The following GTPBP10 variants were observed in gnomAD, a reference collection of about 807,000 sequenced individuals.
The protein encoded by GTPBP10 is GTP binding protein 10, also known as GTP-binding protein 10.
Under a neutral mutation model 44.8 loss-of-function variants are expected in GTPBP10, and 38 were observed. That is an observed-to-expected ratio of 0.85 (90% CI 0.65 to 1.11). The LOEUF (loss-of-function observed/expected upper bound fraction) is 1.11, where lower values mean the gene tolerates loss of function less well. Ranked by LOEUF, GTPBP10 falls within the 50% of genes most tolerant of loss-of-function variation. The pLI is 0.00. For synonymous variants in GTPBP10, 152 were observed against 150.6 expected, an observed-to-expected ratio of 1.01 and a Z score of -0.07; for missense variants, 462 against 453.7, an observed-to-expected ratio of 1.02 and a Z score of -0.17.
chr7:90,368,090 G>A lies in GTPBP10; in HGVS notation c.465-4065G>A, dbSNP rs372667236. Reference sequence around the variant, plus strand: ...TCTGGATTGAAAATTCTTTTCTTTAGGAATGTTGAATATTGGCCCCCACTC... The same window carrying A: ...TCTGGATTGAAAATTCTTTTCTTTAAGAATGTTGAATATTGGCCCCCACTC... On this transcript the variant is annotated intron_variant, in intron 4 of 9. Coordinates refer to ENST00000222511, the MANE Select transcript of GTPBP10 (RefSeq NM_033107.4). Among the ~76,000 whole-genome samples, 15 of 152,098 alleles carry A rather than the reference G, an allele frequency of 9.9e-5. No homozygotes were observed. In the East Asian group the frequency reaches 1.9e-3, roughly 20 times the overall value.
intron 2 of GTPBP10, 90 bp from the exon 3 acceptor site, chr7:90,354,368 A>G (rs983878525): frequency 1.1e-5 from 6 of 545,248 alleles, no homozygotes; most frequent in African/African-American, 7.9e-5. Flanking sequence ...ATTGATTGCT[A>G]CTCTTCTTTG....
At chr7:90,357,843 C>A (rs1241303079) in intron 4 of GTPBP10, among the ~76,000 whole-genome samples, 1 of 152,038 alleles carries the variant, frequency 6.6e-6, no homozygotes, top group African/African-American at 2.4e-5. Context: ...TAATCAAAGC[C>A]TTTAAAATGA....
rs1269292468 is a variant in GTPBP10, at chr7:90,390,988, A to G, written c.*5834A>G. On this transcript the variant is annotated 3_prime_UTR_variant, in exon 10 of 10. Transcript: ENST00000222511. ...TTATGACTTTGGATGGATTTGAAAC[A>G]TGATTAAATGACAGAGTAAATAAAA... The G allele has an allele frequency of 1.3e-5, 2 of 152,226 alleles. No homozygotes were observed. The highest frequency in any genetic ancestry group is 2.1e-4 in the South Asian group (1 of 4,832). The allele number at this position is 152,226 out of a possible 1,614,324, so 9.4% of individuals were successfully genotyped here.
rs1796502092 is a variant in GTPBP10, at chr7:90,385,142, G to A, written c.1152G>A (p.Met384Ile). 6.3e-7 allele frequency: 1 copy of A among 1,598,316 alleles called. No homozygotes were observed. The highest frequency in any genetic ancestry group is 8.5e-7 in the Non-Finnish European group (1 of 1,171,168). The change falls in exon 10 of 10, where the codon ATG becomes ATA. Residue 384 changes from methionine (M) to isoleucine (I), a missense_variant. Transcript: ENST00000222511. The part of the protein sequence containing the change: ...PSKHAVTTSK[M>I]DII Reference sequence around the variant, plus strand: ...AGCATGCTGTTACTACTTCCAAAATGGATATAATTTAAATATATTAAAAAT... The same window carrying A: ...AGCATGCTGTTACTACTTCCAAAATAGATATAATTTAAATATATTAAAAAT...
At chr7:90,350,938 G>T (rs1283089289) in intron 1 of GTPBP10, among the ~76,000 whole-genome samples, 1 of 152,204 alleles carries the variant, frequency 6.6e-6, no homozygotes, top group Non-Finnish European at 1.5e-5. Context: ...CCATGGTGGT[G>T]TTCAAGGTTT....
chr7:90,379,411 A>G (rs1159944731), intron 8 of GTPBP10, among the ~76,000 whole-genome samples: 3 of 152,146 alleles, frequency 2.0e-5, no homozygotes, highest in African/African-American at 7.2e-5. Flanking sequence ...AGACCCCCAT[A>G]GCTGTTAGGT....
At chr7:90,353,292 T>A (rs546890489) in intron 2 of GTPBP10, 1 of 235,962 alleles carries the variant, frequency 4.2e-6, no homozygotes, top group South Asian at 1.2e-4. Flanking sequence ...ACTGTTTTCT[T>A]CTAAAATTAT....
intron 8 of GTPBP10, among the ~76,000 whole-genome samples, chr7:90,379,143 A>G (rs1796393848): frequency 6.6e-6 from 1 of 152,216 alleles, no homozygotes; most frequent in South Asian, 2.1e-4. Flanking sequence ...TGTGTAAGCT[A>G]TGATATACTG....
At chr7:90,356,678 T>C (rs1795907222) in intron 4 of GTPBP10, among the ~76,000 whole-genome samples, 1 of 152,196 alleles carries the variant, frequency 6.6e-6, no homozygotes, top group Non-Finnish European at 1.5e-5. Context: ...TATAGTTTTT[T>C]GCTTTTCACC....
intron 2 of GTPBP10, 80 bp downstream of exon 2, chr7:90,353,089 T>C: frequency 3.5e-6 from 3 of 869,362 alleles, no homozygotes; most frequent in South Asian, 4.3e-5. Flanking sequence ...AAATAAAAAC[T>C]TAATTGTTAA....
intron 4 of GTPBP10, among the ~76,000 whole-genome samples, chr7:90,364,534 C>A (rs1313754804): frequency 3.3e-5 from 5 of 152,208 alleles, no homozygotes; most frequent in Non-Finnish European, 1.5e-5. Context: ...AGGTGTCAGC[C>A]TGCCCTTACT....
At position 90,361,873 on chromosome 7, in the gene GTPBP10, C is replaced by T. The variant is rs187183023; in HGVS notation, c.464+6643C>T. Among the ~76,000 whole-genome samples the T allele has an allele frequency of 3.5e-3, 529 of 152,234 alleles. 2 individuals are homozygous for T. The highest frequency in any genetic ancestry group is 4.4e-3 in the Non-Finnish European group (300 of 68,022). On this transcript the variant is annotated intron_variant, in intron 4 of 9. Coordinates refer to ENST00000222511, the MANE Select transcript of GTPBP10 (RefSeq NM_033107.4). ...TTTAGTCTTGGGAGGGTATATGTGT[C>T]GAGGAATTTATCCGTTTCTTCTAGA...
Position 90,385,329 on chromosome 7 carries a change from A to G in GTPBP10, c.*175A>G. On this transcript the variant is annotated 3_prime_UTR_variant, in exon 10 of 10. Coordinates refer to ENST00000222511, the MANE Select transcript of GTPBP10 (RefSeq NM_033107.4). ...TGAACTCATAGAAGGAGAGAATAGA[A>G]TGGTGGTTATCAAGGGCTGGTGGGG... 2.0e-6 allele frequency: 1 copy of G among 496,964 alleles called. No homozygotes were observed. The highest frequency in any genetic ancestry group is 3.5e-6 in the Non-Finnish European group (1 of 288,532). 30.8% of individuals were successfully genotyped at this position (496,964 alleles called of 1,614,324 possible).
chr7:90,372,743 G>T (rs1193434009), intron 5 of GTPBP10, among the ~76,000 whole-genome samples: 4 of 151,844 alleles, frequency 2.6e-5, no homozygotes, highest in Admixed American at 6.6e-5. Flanking sequence ...AGGATTTTAT[G>T]AACCACTTAC....
intron 8 of GTPBP10, among the ~76,000 whole-genome samples, chr7:90,382,742 C>G (rs370988204): frequency 1.3e-5 from 2 of 152,172 alleles, no homozygotes; most frequent in African/African-American, 4.8e-5. Context: ...AAAATTACAA[C>G]TGTCTCTAGG....
At chr7:90,377,073 A>G (rs1392604917) in intron 6 of GTPBP10, among the ~76,000 whole-genome samples, 1 of 152,124 alleles carries the variant, frequency 6.6e-6, no homozygotes, top group African/African-American at 2.4e-5. Flanking sequence ...AAATTTTTTT[A>G]GTTAACTGGG....
chr7:90,360,846 C>T (rs1796003545), intron 4 of GTPBP10, among the ~76,000 whole-genome samples: 1 of 152,076 alleles, frequency 6.6e-6, no homozygotes, highest in Non-Finnish European at 1.5e-5. Context: ...TGAAGAGGTC[C>T]TTCACATCCC....
intron 4 of GTPBP10, among the ~76,000 whole-genome samples, chr7:90,366,557 A>C (rs1485524126): frequency 6.6e-6 from 1 of 151,950 alleles, no homozygotes; most frequent in African/African-American, 2.4e-5. Context: ...TTTCTAGTTT[A>C]TTTGCATAGA....
At chr7:90,370,542 A>G (rs763523428) in intron 4 of GTPBP10, among the ~76,000 whole-genome samples, 4 of 152,054 alleles carry the variant, frequency 2.6e-5, no homozygotes, top group Non-Finnish European at 5.9e-5. Flanking sequence ...GGAGACTCGG[A>G]GGGAGGACAG....
Sources: allele counts gnomAD v4.1 joint callset (sites outside exome capture counted in the v4.1 genomes callset), GRCh38; gene constraint gnomAD v4.1.1; transcripts MANE v1.5; gene names NCBI Gene and HGNC (gene_info 2026-07-23, HGNC 2026-07-21).